Variants in PTPRN2 observed in about 807,000 individuals in gnomAD.
The protein encoded by PTPRN2 is receptor-type tyrosine-protein phosphatase N2.
PTPRN2 carries 74 observed loss-of-function variants against 118.8 expected under a neutral mutation model. That is an observed-to-expected ratio of 0.62 (90% CI 0.52 to 0.76). PTPRN2 has a LOEUF of 0.76. Ranked by LOEUF, PTPRN2 falls within the 30% of genes least tolerant of loss-of-function variation. PTPRN2 has a pLI of 0.00. For missense variants in PTPRN2, 1,481 were observed against 1,394.4 expected (o/e 1.06, Z -0.99); for synonymous variants, 641 against 608.0 (o/e 1.05, Z -0.80).
At chr7:158,477,760 C>T (rs1384108231) in intron 2 of PTPRN2, among the ~76,000 whole-genome samples, 7 of 152,216 alleles carry the variant, frequency 4.6e-5, no homozygotes, top group African/African-American at 1.4e-4. Flanking sequence ...CAGCATCACC[C>T]ACCCCTCACC....
intron 12 of PTPRN2, among the ~76,000 whole-genome samples, chr7:157,815,984 G>C (rs1054527857): frequency 6.6e-6 from 1 of 152,170 alleles, no homozygotes; most frequent in Non-Finnish European, 1.5e-5. Context: ...TGAACATACT[G>C]TCACCCTCGT....
chr7:158,020,684 C>T (rs994263359), intron 11 of PTPRN2, among the ~76,000 whole-genome samples: 1 of 152,172 alleles, frequency 6.6e-6, no homozygotes, highest in Non-Finnish European at 1.5e-5. Flanking sequence ...TCCCAAAGCC[C>T]ACCAGCCAAC....
At chr7:158,292,884 A>G (rs892730521) in intron 3 of PTPRN2, among the ~76,000 whole-genome samples, 4 of 152,120 alleles carry the variant, frequency 2.6e-5, no homozygotes, top group African/African-American at 9.7e-5. Flanking sequence ...CCTGGCCAAC[A>G]TGGTGAAACC....
intron 11 of PTPRN2, among the ~76,000 whole-genome samples, chr7:158,047,072 T>C (rs116180058): frequency 0.014 from 2,152 of 152,100 alleles, 63 homozygotes; most frequent in African/African-American, 0.049. Context: ...CCAGATACAC[T>C]CAACTCAAAC....
intron 10 of PTPRN2, among the ~76,000 whole-genome samples, chr7:158,089,892 A>G (rs201660370): frequency 1.8e-5 from 1 of 56,158 alleles, no homozygotes; most frequent in African/African-American, 4.6e-5. Context: ...CGAAAGAGGG[A>G]GTCTTCACAC....
chr7:157,643,654 C>CGCT (rs1377599661), intron 14 of PTPRN2, among the ~76,000 whole-genome samples: 36 of 152,226 alleles, frequency 2.4e-4, no homozygotes, highest in Non-Finnish European at 3.5e-4. Context: ...CTTGCACAGC[C>CGCT]GCTGCTGCCT....
intron 9 of PTPRN2, among the ~76,000 whole-genome samples, chr7:158,128,248 A>C (rs1817860313): frequency 6.6e-6 from 1 of 152,324 alleles, no homozygotes; most frequent in South Asian, 2.1e-4. Context: ...TAGGGCAAAA[A>C]CCTCAATCTC....
intron 12 of PTPRN2, among the ~76,000 whole-genome samples, chr7:157,762,046 A>G (rs1802163578): frequency 6.6e-6 from 1 of 152,168 alleles, no homozygotes; most frequent in Non-Finnish European, 1.5e-5. Flanking sequence ...ACAATGAGAT[A>G]CCATCTCACA....
rs956296677 is a variant in PTPRN2, at chr7:157,861,507, C to T, written c.1788+37166G>A. 1.4e-4 allele frequency among the ~76,000 whole-genome samples: 22 copies of T among 152,252 alleles called. No homozygotes were observed. Among genetic ancestry groups the T allele is most frequent in the Non-Finnish European group, 2.6e-4 (18 of 68,050 alleles). ...CTCCCTGAGTCTTGCAGGGCCCAGC[C>T]GCTGTGCCTCTGTGTGGCCTCCCCA... On this transcript the variant is annotated intron_variant, in intron 12 of 22. Transcript: ENST00000389418. This position sits in a 1 kb window ranked among gnomAD's most constrained non-coding sequence, Gnocchi z 5.8.
At chr7:158,201,455 T>G (rs1314480327) in intron 4 of PTPRN2, among the ~76,000 whole-genome samples, 1 of 152,194 alleles carries the variant, frequency 6.6e-6, no homozygotes, top group African/African-American at 2.4e-5. Context: ...AATCAAAATA[T>G]TTAACTCTAA....
At position 158,517,420 on chromosome 7, in the gene PTPRN2, T is replaced by TA. The variant is rs1823652780; in HGVS notation, c.113-27636dup. Among the ~76,000 whole-genome samples, 1 of 152,076 alleles carries TA rather than the reference T, an allele frequency of 6.6e-6. No individual in the cohort carries two copies. Among genetic ancestry groups the TA allele is most frequent in the Non-Finnish European group, 1.5e-5 (1 of 67,998 alleles). Reference sequence around the variant, plus strand: ...GAATTCCAGAACGTGACCCTGTACCTAAATCCCTGCAGTTCCCAAGTCTCC... The same window carrying TA: ...GAATTCCAGAACGTGACCCTGTACCTAAAATCCCTGCAGTTCCCAAGTCTCC... On this transcript the variant is annotated intron_variant, in intron 1 of 22. Transcript: ENST00000389418. The surrounding 1 kb of genome is among the most constrained non-coding windows in gnomAD (Gnocchi z 5.3).
intron 10 of PTPRN2, among the ~76,000 whole-genome samples, chr7:158,085,487 G>A (rs1163887763): frequency 1.0e-5 from 1 of 99,712 alleles, no homozygotes; most frequent in African/African-American, 4.2e-5. Context: ...CCACACCCAC[G>A]ACGCCCATCC....
intron 2 of PTPRN2, among the ~76,000 whole-genome samples, chr7:158,386,510 C>T (rs1054963570): frequency 1.3e-5 from 2 of 152,204 alleles, no homozygotes; most frequent in East Asian, 1.9e-4. Flanking sequence ...CCAGGGTATG[C>T]ACTTTTCCAG....
At chr7:158,209,113 T>A (rs1585856059) in intron 3 of PTPRN2, among the ~76,000 whole-genome samples, 1 of 147,796 alleles carries the variant, frequency 6.8e-6, no homozygotes, top group African/African-American at 2.5e-5. Context: ...CACTTTCACT[T>A]AAAAAAAAAA....
intron 12 of PTPRN2, among the ~76,000 whole-genome samples, chr7:157,820,028 ACACC>A (rs1219724021): frequency 1.3e-5 from 2 of 150,288 alleles, no homozygotes; most frequent in African/African-American, 4.9e-5. Flanking sequence ...ATGCACACAC[ACACC>A]CACAGTCACA....
At chr7:158,146,838 G>C (rs1385485201) in intron 6 of PTPRN2, among the ~76,000 whole-genome samples, 1 of 152,002 alleles carries the variant, frequency 6.6e-6, no homozygotes, top group Non-Finnish European at 1.5e-5. Flanking sequence ...TTGGAGGCCA[G>C]AGAGACTTGA....
At chr7:158,316,739 T>C (rs1802356952) in intron 3 of PTPRN2, 80 bp downstream of exon 3, 1 of 1,084,076 alleles carries the variant, frequency 9.2e-7, no homozygotes, top group Non-Finnish European at 1.3e-6. Flanking sequence ...TCCCAGCTCC[T>C]CACCGCCCAG....
chr7:157,582,519 T>C (rs1800449658), intron 17 of PTPRN2, among the ~76,000 whole-genome samples: 1 of 151,964 alleles, frequency 6.6e-6, no homozygotes, highest in Admixed American at 6.6e-5. Context: ...GGAGAGGATG[T>C]GGAAGAGACG....
chr7:158,401,889 G>T (rs1225602599), intron 2 of PTPRN2, among the ~76,000 whole-genome samples: 1 of 152,130 alleles, frequency 6.6e-6, no homozygotes, highest in East Asian at 1.9e-4. Context: ...AATCCATAGA[G>T]ATGTCCACAC....
Sources: allele counts gnomAD v4.1 joint callset (sites outside exome capture counted in the v4.1 genomes callset), GRCh38; gene constraint gnomAD v4.1.1; non-coding constraint Gnocchi (gnomAD v3.1); transcripts MANE v1.5; gene names NCBI Gene and HGNC (gene_info 2026-07-23, HGNC 2026-07-21).